The following KLHL23 variants were observed in gnomAD, a reference collection of about 807,000 sequenced individuals.
KLHL23 encodes kelch like family member 23.
In KLHL23, 33 loss-of-function variants were observed where a neutral mutation model predicts 48.9. That is an observed-to-expected ratio of 0.67 (90% CI 0.51 to 0.90). KLHL23 has a LOEUF of 0.90. Among genes scored for constraint, KLHL23 ranks in the 40% least tolerant of loss-of-function variants. The pLI is 0.00. For missense variants in KLHL23, 608 were observed against 669.6 expected, an observed-to-expected ratio of 0.91 and a Z score of 1.02; for synonymous variants, 234 against 231.6, an observed-to-expected ratio of 1.01 and a Z score of -0.09.
intron 2 of KLHL23, among the ~76,000 whole-genome samples, chr2:169,736,705 C>T (rs780709437): frequency 1.8e-4 from 27 of 152,148 alleles, no homozygotes; most frequent in Admixed American, 1.0e-3. Flanking sequence ...CCACAGAACC[C>T]GGCACACCCC....
chr2:169,748,873 A>G (rs1688872486), intron 3 of KLHL23, among the ~76,000 whole-genome samples: 1 of 150,926 alleles, frequency 6.6e-6, no homozygotes, highest in Admixed American at 6.7e-5. Flanking sequence ...AGGATGATAG[A>G]CTGTCATGCC....
chr2:169,749,720 G>T lies in KLHL23; in HGVS notation c.1665G>T (p.Val555=), dbSNP rs1574531493. Residue 555 remains valine (V), a synonymous_variant, in exon 4 of 4, where the codon GTG becomes GTT. Transcript: ENST00000392647. ...TGCGGTCTCATGGGTGTGTTTGTGT[G>T]TATAATGTCTAATTGAATCTGCAGA... ...SAMRSHGCVC[V]YNV The T allele has an allele frequency of 1.3e-6, 2 of 1,598,060 alleles. No homozygotes were observed.
intron 3 of KLHL23, among the ~76,000 whole-genome samples, chr2:169,742,757 C>G (rs1262277859): frequency 6.6e-6 from 1 of 152,212 alleles, no homozygotes; most frequent in Non-Finnish European, 1.5e-5. Flanking sequence ...GTAAACTTCT[C>G]CCTCCTAGTA....
intron 2 of KLHL23, among the ~76,000 whole-genome samples, chr2:169,737,465 G>C (rs771461337): frequency 2.1e-4 from 32 of 152,114 alleles, no homozygotes; most frequent in Non-Finnish European, 3.5e-4. Context: ...GGAGGGCTCT[G>C]AATGTCCTGA....
At position 169,749,812 on chromosome 2, in the gene KLHL23, T is replaced by G. The variant is rs548877931; in HGVS notation, c.*80T>G. The G allele has an allele frequency of 1.3e-6, 2 of 1,487,756 alleles. No individual in the cohort carries two copies. The highest frequency in any genetic ancestry group is 4.6e-5 in the East Asian group (2 of 43,748). The allele number at this position is 1,487,756 out of a possible 1,614,324, so 92.2% of individuals were successfully genotyped here. On this transcript the variant is annotated 3_prime_UTR_variant, in exon 4 of 4. Coordinates refer to ENST00000392647, the MANE Select transcript of KLHL23 (RefSeq NM_144711.6). Reference sequence around the variant, plus strand: ...AAAAGAATGCAGGGTTTGAAGTTCCTTACCTGATAATTGTGTCTGGCACAT... The same window carrying G: ...AAAAGAATGCAGGGTTTGAAGTTCCGTACCTGATAATTGTGTCTGGCACAT...
In KLHL23 at chr2:169,741,547, A is replaced by C. The variant is rs370378879; in HGVS notation, c.1366+10A>C. ...TCCAGTCCACATCCAGGTAACAAAA[A>C]TACTGTCTCAAATAGTGTATGTTGT... On this transcript the variant is annotated intron_variant, in intron 3 of 3. Transcript: ENST00000392647. The C allele has an allele frequency of 1.2e-6, 2 of 1,611,570 alleles. No homozygotes were observed. The highest frequency in any genetic ancestry group is 1.7e-6 in the Non-Finnish European group (2 of 1,178,540).
At chr2:169,745,327 A>G (rs1004782361) in intron 3 of KLHL23, among the ~76,000 whole-genome samples, 3 of 151,808 alleles carry the variant, frequency 2.0e-5, no homozygotes, top group African/African-American at 7.2e-5. Flanking sequence ...CCTGGCTAAC[A>G]TGGTGAAACC....
chr2:169,734,860 C>G (rs932108571), intron 1 of KLHL23, among the ~76,000 whole-genome samples, 153 bp from the exon 2 acceptor site: 1 of 152,214 alleles, frequency 6.6e-6, no homozygotes, highest in Non-Finnish European at 1.5e-5. Flanking sequence ...TATAAATGAT[C>G]AAACAGTCCA....
chr2:169,749,562 G>A lies in KLHL23; in HGVS notation c.1507G>A (p.Ala503Thr). 2 of 1,614,044 alleles carry A rather than the reference G, an allele frequency of 1.2e-6. No individual in the cohort carries two copies. Among genetic ancestry groups the A allele is most frequent in the Non-Finnish European group, 1.7e-6 (2 of 1,180,008 alleles). The change falls in exon 4 of 4, where the codon GCC (alanine) becomes ACC (threonine). Residue 503 changes from alanine (A) to threonine (T), a missense_variant. By Grantham distance (58) the Ala-to-Thr change is moderately conservative. Around this residue, in one of 3 missense-constraint regions of KLHL23, gnomAD observed 179 missense variants for 169.9 expected, o/e 1.05. Transcript: ENST00000392647. ...PMMERRMECG[A>T]VIMNGCIYVT... is the part of the protein sequence containing the mutation. ...GATGGAAAGGAGGATGGAGTGCGGT[G>A]CCGTCATCATGAATGGATGTATTTA...
In KLHL23 at chr2:169,749,460, T is replaced by A. The variant is rs758377737; in HGVS notation, c.1405T>A (p.Tyr469Asn). The change falls in exon 4 of 4, where the codon TAT (tyrosine) becomes AAT (asparagine). Residue 469 changes from tyrosine (Y) to asparagine (N), a missense_variant. By Grantham distance (143) the Tyr-to-Asn change is moderately radical (BLOSUM62 -2). This residue lies in a region of KLHL23 where 179 missense variants were observed against 169.9 expected (regional missense o/e 1.05). Coordinates refer to ENST00000392647, the MANE Select transcript of KLHL23 (RefSeq NM_144711.6). ...CTCAGTTCCGTTTGAAAATAAGCTC[T>A]ATCTAGTCGGCGGACAAACTACAAT... is the stretch of plus-strand genomic sequence containing the variant. ...LCSVPFENKL[Y>N]LVGGQTTITE... The A allele has an allele frequency of 2.6e-5, 42 of 1,613,750 alleles. No homozygotes were observed. In the Admixed American group the frequency reaches 6.8e-4, roughly 26 times the overall value.
Position 169,736,179 on chromosome 2 carries a change from T to C in KLHL23, c.1165T>C (p.Tyr389His). The C allele has an allele frequency of 6.2e-7, 1 of 1,612,624 alleles. No homozygotes were observed. Among genetic ancestry groups the C allele is most frequent in the Non-Finnish European group, 8.5e-7 (1 of 1,179,616 alleles). Reference protein sequence around the residue: ...KGAPAEEAEFYDPLKEKWIPI... With the variant: ...KGAPAEEAEFHDPLKEKWIPI... ...GGCTCCAGCAGAAGAGGCTGAGTTC[T>C]ATGATCCTTTAAAAGAGAAATGGAT... The change falls in exon 2 of 4, where the codon TAT becomes CAT. Residue 389 changes from tyrosine to histidine, a missense_variant. Coordinates refer to ENST00000392647, the MANE Select transcript of KLHL23 (RefSeq NM_144711.6).
At chr2:169,738,811 C>CCTT (rs1688577597) in intron 2 of KLHL23, among the ~76,000 whole-genome samples, 1 of 142,818 alleles carries the variant, frequency 7.0e-6, no homozygotes. Flanking sequence ...TCTTCATCTT[C>CCTT]CCTCCAAACC....
intron 2 of KLHL23, among the ~76,000 whole-genome samples, chr2:169,739,349 T>C (rs1688619040): frequency 6.6e-6 from 1 of 152,130 alleles, no homozygotes. Context: ...ACCTTTAAAA[T>C]CTGGCTGAAT....
intron 2 of KLHL23, among the ~76,000 whole-genome samples, chr2:169,738,788 A>G (rs1688576287): frequency 1.3e-5 from 2 of 149,590 alleles, no homozygotes; most frequent in South Asian, 4.3e-4. Context: ...GATCCTCATC[A>G]TCTTTCTTCC....
intron 3 of KLHL23, among the ~76,000 whole-genome samples, chr2:169,743,749 C>A (rs141750052): frequency 1.3e-5 from 2 of 152,232 alleles, no homozygotes; most frequent in Non-Finnish European, 2.9e-5. Context: ...ATTCTCCTCA[C>A]GTCACTGACC....
chr2:169,736,186 C>A lies in KLHL23; in HGVS notation c.1172C>A (p.Pro391His), dbSNP rs748407430. Residue 391 changes from proline (P) to histidine (H), a missense_variant, in exon 2 of 4, where the codon CCT becomes CAT. Pro to His is a moderately conservative substitution (Grantham distance 77). This residue lies in a region of KLHL23 where 419 missense variants were observed against 473.1 expected (regional missense o/e 0.89). Coordinates refer to ENST00000392647, the MANE Select transcript of KLHL23 (RefSeq NM_144711.6). ...APAEEAEFYD[P>H]LKEKWIPIAN... ...GCAGAAGAGGCTGAGTTCTATGATC[C>A]TTTAAAAGAGAAATGGATTCCTATT... The A allele has an allele frequency of 6.8e-6, 11 of 1,610,838 alleles. No individual in the cohort carries two copies. In the East Asian group the frequency reaches 2.5e-4, roughly 36 times the overall value.
intron 3 of KLHL23, 140 bp downstream of exon 3, chr2:169,741,677 T>A (rs923328566): frequency 1.3e-4 from 138 of 1,046,530 alleles, no homozygotes; most frequent in Non-Finnish European, 1.5e-4. Context: ...CTCAAAATAT[T>A]CATATATGTC....
At position 169,739,924 on chromosome 2, in the gene KLHL23, A is replaced by G. The variant is rs911612778; in HGVS notation, c.1214-1461A>G. 5.3e-5 allele frequency among the ~76,000 whole-genome samples: 8 copies of G among 152,338 alleles called. No individual in the cohort carries two copies. In the East Asian group the frequency reaches 1.3e-3, roughly 26 times the overall value. ...TGAATATTCTAAGCAGTATAACACA[A>G]TGGTAAGTCTTTGTGTATCTAAACA... On this transcript the variant is annotated intron_variant, in intron 2 of 3. Coordinates refer to ENST00000392647, the MANE Select transcript of KLHL23 (RefSeq NM_144711.6).
chr2:169,747,978 G>A (rs1471600171), intron 3 of KLHL23, among the ~76,000 whole-genome samples: 1 of 152,110 alleles, frequency 6.6e-6, no homozygotes, highest in African/African-American at 2.4e-5. Context: ...ACAAAAATTA[G>A]CCAGTTGTGA....
Sources: gnomAD v4.1 joint callset for allele counts (sites outside exome capture counted in the v4.1 genomes callset) on GRCh38, gnomAD v4.1.1 for gene constraint, gnomAD v4.1.1 regional missense constraint, MANE v1.5 for transcripts, NCBI Gene and HGNC (gene_info 2026-07-23, HGNC 2026-07-21) for gene names.